EHBP1: variants seen among roughly 807,000 people sequenced by gnomAD.
EHBP1 encodes EH domain binding protein 1.
A neutral mutation model predicts 144.0 loss-of-function variants in EHBP1; 55 were observed. The observed-to-expected ratio is 0.38, with a 90% confidence interval of 0.31 to 0.48. The LOEUF is 0.48. EHBP1 is among the 20% of genes least tolerant of loss of function. EHBP1 has a pLI of 0.98. For synonymous variants in EHBP1, 469 were observed against 472.7 expected (o/e 0.99, Z 0.10); for missense variants, 1,200 against 1,364.2 (o/e 0.88, Z 1.90).
intron 10 of EHBP1, among the ~76,000 whole-genome samples, chr2:62,914,644 C>G (rs2054468962): frequency 6.6e-6 from 1 of 151,906 alleles, no homozygotes; most frequent in Non-Finnish European, 1.5e-5. Context: ...TGGGAGTAAG[C>G]TTGTAATTAT....
Position 62,949,088 on chromosome 2 carries a change from A to G in EHBP1, c.2242A>G (p.Arg748Gly), listed in dbSNP as rs765675811. 2.5e-6 allele frequency: 4 copies of G among 1,603,394 alleles called. No homozygotes were observed. Among genetic ancestry groups the G allele is most frequent in the Middle Eastern group, 1.7e-4 (1 of 5,982 alleles). The change falls in exon 13 of 23, where the codon AGG becomes GGG. Residue 748 changes from arginine to glycine, a missense_variant. Physicochemically the swap from Arg to Gly is moderately radical, Grantham distance 125. Coordinates refer to ENST00000431489, the MANE Select transcript of EHBP1 (RefSeq NM_001142616.3). ...DLAKKKHASL[R>G]QTESDPDADR... ...TGCTAAGAAAAAACATGCTTCCCTG[A>G]GGCAGACGGAGTCTGATCCAGATGC...
At chr2:62,694,709 C>G (rs2034024425) in intron 1 of EHBP1, among the ~76,000 whole-genome samples, 1 of 152,082 alleles carries the variant, frequency 6.6e-6, no homozygotes, top group African/African-American at 2.4e-5. Flanking sequence ...ATCATTTTCC[C>G]ATTCCCATTT....
chr2:62,694,373 T>C (rs146658459), intron 1 of EHBP1, among the ~76,000 whole-genome samples: 1 of 152,250 alleles, frequency 6.6e-6, no homozygotes, highest in East Asian at 1.9e-4. Flanking sequence ...ATATCTTATA[T>C]CTTACTAAAA....
At chr2:62,942,441 C>T (rs1170138811) in intron 10 of EHBP1, among the ~76,000 whole-genome samples, 2 of 152,198 alleles carry the variant, frequency 1.3e-5, no homozygotes, top group African/African-American at 4.8e-5. Context: ...AAAACTTTAA[C>T]GTGATGTTTC....
chr2:63,029,144 A>G (rs2061120269), intron 19 of EHBP1, among the ~76,000 whole-genome samples: 1 of 151,980 alleles, frequency 6.6e-6, no homozygotes, highest in Non-Finnish European at 1.5e-5. Context: ...ACTGTCAATA[A>G]CTAGACTATC....
chr2:62,760,657 G>T (rs2040696016), intron 3 of EHBP1, among the ~76,000 whole-genome samples: 1 of 152,076 alleles, frequency 6.6e-6, no homozygotes, highest in Non-Finnish European at 1.5e-5. Flanking sequence ...TCCCACTTTT[G>T]ATCACTGTGT....
intron 1 of EHBP1, among the ~76,000 whole-genome samples, chr2:62,699,402 A>G (rs2034205988): frequency 1.3e-5 from 2 of 152,244 alleles, no homozygotes; most frequent in Admixed American, 1.3e-4. Context: ...TGACTTTCTC[A>G]GCTGAGGTCT....
At chr2:62,729,389 T>A (rs2037187789) in intron 2 of EHBP1, among the ~76,000 whole-genome samples, 1 of 118,676 alleles carries the variant, frequency 8.4e-6, no homozygotes, top group Non-Finnish European at 1.6e-5. Context: ...AAATATCATA[T>A]TTATTATATA....
At chr2:62,686,257 T>C (rs1481521163) in intron 1 of EHBP1, among the ~76,000 whole-genome samples, 1 of 152,194 alleles carries the variant, frequency 6.6e-6, no homozygotes, top group Non-Finnish European at 1.5e-5. Flanking sequence ...CATGCATGAT[T>C]GCAACCCATA....
chr2:62,746,403 T>C (rs983728803), intron 2 of EHBP1, among the ~76,000 whole-genome samples: 1 of 152,028 alleles, frequency 6.6e-6, no homozygotes, highest in Non-Finnish European at 1.5e-5. Context: ...TATATATATG[T>C]ATTTAATTAA....
At chr2:62,856,319 G>A (rs188983063) in intron 7 of EHBP1, among the ~76,000 whole-genome samples, 11 of 152,330 alleles carry the variant, frequency 7.2e-5, no homozygotes, top group Admixed American at 7.2e-4. Flanking sequence ...CTCCCGCTTT[G>A]GGGCCCTGTG....
At chr2:62,928,972 T>C (rs1438503505) in intron 10 of EHBP1, among the ~76,000 whole-genome samples, 3 of 151,928 alleles carry the variant, frequency 2.0e-5, no homozygotes, top group African/African-American at 7.2e-5. Flanking sequence ...CACCAACAAA[T>C]TGGGTAACCT....
intron 5 of EHBP1, among the ~76,000 whole-genome samples, chr2:62,793,089 G>A (rs921620417): frequency 2.0e-5 from 3 of 151,930 alleles, no homozygotes; most frequent in Non-Finnish European, 4.4e-5. Flanking sequence ...TATACATGTT[G>A]TATAATTTTT....
rs536802151 is a variant in EHBP1 at position 62,795,762 on chromosome 2, G to T, written c.312+24370G>T. ...TTTTAAAAAACATGTATAGCCCAAA[G>T]TAATTGTATTTTGTTTTGTTTTAAT... On this transcript the variant is annotated intron_variant, in intron 5 of 22. Coordinates refer to ENST00000431489, the MANE Select transcript of EHBP1 (RefSeq NM_001142616.3). 7.2e-5 allele frequency among the ~76,000 whole-genome samples: 11 copies of T among 152,120 alleles called. No homozygotes were observed. The South Asian group carries it at 2.3e-3, about 32-fold the overall frequency.
rs776227162 is a variant in EHBP1, at chr2:62,955,522, A to T, written c.2322A>T (p.Arg774=). 1.9e-6 allele frequency: 3 copies of T among 1,605,466 alleles called. 1 individual carries two copies. Among genetic ancestry groups the T allele is most frequent in the Middle Eastern group, 3.3e-4 (2 of 6,026 alleles). Residue 774 remains arginine (R), a synonymous_variant, in exon 14 of 23, where the codon CGA becomes CGT. Transcript: ENST00000431489. ...TCTGTATCTTTGCTTTTAAGCATCG[A>T]TTGTTATCTAGACAAGAAGAACTTA... is the stretch of plus-strand genomic sequence containing the variant. ...ADHSSKIVQH[R]LLSRQEELKE...
At chr2:62,841,853 C>T (rs1419756806) in intron 7 of EHBP1, among the ~76,000 whole-genome samples, 3 of 152,022 alleles carry the variant, frequency 2.0e-5, no homozygotes, top group Non-Finnish European at 2.9e-5. Flanking sequence ...CACTCACCTT[C>T]TACCTTGTCT....
chr2:63,005,375 G>T (rs2059995584), intron 19 of EHBP1, among the ~76,000 whole-genome samples: 1 of 152,100 alleles, frequency 6.6e-6, no homozygotes, highest in Non-Finnish European at 1.5e-5. Flanking sequence ...AGGAGAGAAT[G>T]TGGCTAGCGT....
chr2:63,017,204 G>A (rs1168882884), intron 19 of EHBP1, among the ~76,000 whole-genome samples: 2 of 151,948 alleles, frequency 1.3e-5, no homozygotes, highest in African/African-American at 4.8e-5. Context: ...CATGTCCTGT[G>A]ATAGAGATGG....
chr2:62,933,379 A>G (rs1295614003), intron 10 of EHBP1, among the ~76,000 whole-genome samples: 1 of 152,172 alleles, frequency 6.6e-6, no homozygotes, highest in Admixed American at 6.5e-5. Context: ...AGAGAATTTA[A>G]ATACTTCTCA....
Sources: allele counts gnomAD v4.1 joint callset (sites outside exome capture counted in the v4.1 genomes callset), GRCh38; gene constraint gnomAD v4.1.1; transcripts MANE v1.5; gene names NCBI Gene and HGNC (gene_info 2026-07-23, HGNC 2026-07-21).